SNX18: variants seen among roughly 807,000 people sequenced by gnomAD.
The protein encoded by SNX18 is sorting nexin-18.
Under a neutral mutation model 48.7 loss-of-function variants are expected in SNX18, and 35 were observed. The ratio of observed to expected loss-of-function variants is 0.72; its 90% confidence interval spans 0.55 to 0.95. SNX18 has a LOEUF of 0.95. Ranked by LOEUF, SNX18 falls within the 40% of genes least tolerant of loss-of-function variation. The pLI is 0.00. For synonymous variants in SNX18, 492 were observed against 384.7 expected (o/e 1.28, Z -3.26); for missense variants, 824 against 871.0 (o/e 0.95, Z 0.68).
the SNX18 span, among the ~76,000 whole-genome samples, chr5:54,618,896 T>C: frequency 6.6e-6 from 1 of 152,108 alleles, no homozygotes; most frequent in Non-Finnish European, 1.5e-5. Flanking sequence ...CCCCCTGTTC[T>C]ATAAGCAAAG....
chr5:54,614,311 C>CCAG, the SNX18 span, among the ~76,000 whole-genome samples: 1 of 152,096 alleles, frequency 6.6e-6, no homozygotes, highest in East Asian at 1.9e-4. Flanking sequence ...CCTGATAAGA[C>CCAG]CAGCAGGCAG....
chr5:54,540,727 C>T (rs1181138652), intron 1 of SNX18, among the ~76,000 whole-genome samples: 2 of 152,150 alleles, frequency 1.3e-5, no homozygotes, highest in Non-Finnish European at 2.9e-5. Flanking sequence ...GTAATTAGAG[C>T]AAGTAATACT....
At position 54,517,768 on chromosome 5, in the gene SNX18, T is replaced by A. The variant is rs1417165909; in HGVS notation, c.-185T>A. The A allele has an allele frequency of 2.3e-6, 1 of 432,716 alleles. No homozygotes were observed. The highest frequency in any genetic ancestry group is 1.1e-4 in the South Asian group (1 of 8,980). 26.8% of individuals were successfully genotyped at this position (432,716 alleles called of 1,614,324 possible). The stretch of plus-strand genomic sequence containing the variant: ...GGCGGCCCAGCGCGGCAGTCGGCGC[T>A]GCGAAGTGGAGGCGCTGCGAGCGGA... On this transcript the variant is annotated 5_prime_UTR_variant, in exon 1 of 2. Transcript: ENST00000381410.
chr5:54,526,170 T>A (rs1762128045), intron 1 of SNX18, among the ~76,000 whole-genome samples: 1 of 152,214 alleles, frequency 6.6e-6, no homozygotes, highest in Non-Finnish European at 1.5e-5. Context: ...AGTGATGCGA[T>A]CTCGGCTCAC....
the SNX18 span, among the ~76,000 whole-genome samples, chr5:54,634,033 A>G: frequency 6.6e-6 from 1 of 152,218 alleles, no homozygotes; most frequent in African/African-American, 2.4e-5. Flanking sequence ...CCCAAACAAC[A>G]GCCCTGAGCA....
chr5:54,645,493 T>G, the SNX18 span: 1 of 152,244 alleles, frequency 6.6e-6, no homozygotes. Flanking sequence ...AGATGTCACC[T>G]GAGTAGTTAA....
chr5:54,543,564 A>G lies in SNX18; in HGVS notation c.*132A>G. 1 of 1,005,706 alleles carries G rather than the reference A, an allele frequency of 9.9e-7. No homozygotes were observed. The allele number at this position is 1,005,706 out of a possible 1,614,324, so 62.3% of individuals were successfully genotyped here. A position where few individuals can be genotyped will look rare whatever the true frequency, so the allele number is the denominator to read the frequency against. On this transcript the variant is annotated 3_prime_UTR_variant, in exon 2 of 2. Transcript: ENST00000381410. ...ACGGTTTTGTGTTCATCTGAAACCC[A>G]GCTGAATTTATAATTATGTAGGAAA...
At chr5:54,613,821 C>A in the SNX18 span, among the ~76,000 whole-genome samples, 1 of 152,128 alleles carries the variant, frequency 6.6e-6, no homozygotes. Flanking sequence ...GCCTCAGCCT[C>A]CCGAGTAGCT....
the SNX18 span, chr5:54,644,359 T>G: frequency 1.7e-4 from 26 of 152,260 alleles, no homozygotes; most frequent in African/African-American, 6.3e-4. Context: ...ATGTTTCGCA[T>G]GGACCTTAAC....
At chr5:54,537,509 T>C (rs1762380240) in intron 1 of SNX18, among the ~76,000 whole-genome samples, 1 of 152,240 alleles carries the variant, frequency 6.6e-6, no homozygotes, top group Non-Finnish European at 1.5e-5. Context: ...TTATTTTCTT[T>C]CATCTTAAAG....
At chr5:54,597,087 A>C in the SNX18 span, among the ~76,000 whole-genome samples, 1 of 152,246 alleles carries the variant, frequency 6.6e-6, no homozygotes, top group Non-Finnish European at 1.5e-5. Context: ...GAAACAGCAA[A>C]AAGCAGGGGT....
chr5:54,609,841 A>G, the SNX18 span, among the ~76,000 whole-genome samples: 2 of 151,934 alleles, frequency 1.3e-5, no homozygotes, highest in African/African-American at 4.8e-5. Flanking sequence ...TGGGAGGTGG[A>G]GCGTGGTGGG....
chr5:54,620,261 T>C, the SNX18 span, among the ~76,000 whole-genome samples: 1 of 151,800 alleles, frequency 6.6e-6, no homozygotes, highest in Admixed American at 6.6e-5. Context: ...CCAGGGCAAA[T>C]ATCAGCAGAG....
chr5:54,566,614 C>T, the SNX18 span, among the ~76,000 whole-genome samples: 1 of 152,352 alleles, frequency 6.6e-6, no homozygotes, highest in East Asian at 1.9e-4. Context: ...CTGCTCCACA[C>T]AGTCACTTGG....
chr5:54,592,310 G>A, the SNX18 span, among the ~76,000 whole-genome samples: 2 of 152,036 alleles, frequency 1.3e-5, no homozygotes, highest in Non-Finnish European at 1.5e-5. Context: ...TCCACCTCAC[G>A]ACACTCTTCT....
In SNX18 at chr5:54,543,581, T is replaced by C. The variant is rs1762513059; in HGVS notation, c.*149T>C. On this transcript the variant is annotated 3_prime_UTR_variant, in exon 2 of 2. Coordinates refer to ENST00000381410, the MANE Select transcript of SNX18 (RefSeq NM_001102575.2). ...TGAAACCCAGCTGAATTTATAATTA[T>C]GTAGGAAATAAACAGTTAATATGGT... 1.2e-5 allele frequency: 10 copies of C among 867,450 alleles called. No individual in the cohort carries two copies. The highest frequency in any genetic ancestry group is 1.6e-5 in the Non-Finnish European group (9 of 566,452). The allele number at this position is 867,450 out of a possible 1,614,324, so 53.7% of individuals were successfully genotyped here. A position where few individuals can be genotyped will look rare whatever the true frequency, so the allele number is the denominator to read the frequency against.
chr5:54,572,773 T>TATAC, the SNX18 span, among the ~76,000 whole-genome samples: 1 of 95,162 alleles, frequency 1.1e-5, no homozygotes, highest in East Asian at 2.7e-4. Flanking sequence ...TATATATATA[T>TATAC]ATTTTTTTTT....
chr5:54,575,671 C>CT, the SNX18 span, among the ~76,000 whole-genome samples: 1 of 151,996 alleles, frequency 6.6e-6, no homozygotes, highest in African/African-American at 2.4e-5. Flanking sequence ...GCAGACCCCC[C>CT]TTTTTTTAAA....
the SNX18 span, among the ~76,000 whole-genome samples, chr5:54,582,883 GAGA>G: frequency 6.6e-6 from 1 of 152,178 alleles, no homozygotes; most frequent in African/African-American, 2.4e-5. Context: ...TGGTTCTGGG[GAGA>G]AGGTTAGTAA....
Sources: allele counts gnomAD v4.1 joint callset (sites outside exome capture counted in the v4.1 genomes callset), GRCh38; gene constraint gnomAD v4.1.1; transcripts MANE v1.5; gene names NCBI Gene and HGNC (gene_info 2026-07-23, HGNC 2026-07-21).